The following SENP1 variants were observed in gnomAD, a reference collection of about 807,000 sequenced individuals.
The protein encoded by SENP1 is SUMO specific peptidase 1.
Under a neutral mutation model 93.0 loss-of-function variants are expected in SENP1, and 21 were observed. The ratio of observed to expected loss-of-function variants is 0.23; its 90% CI spans 0.16 to 0.33. The LOEUF is 0.33. SENP1 is among the 10% of genes least tolerant of loss of function. The pLI is 1.00. For missense variants in SENP1, 591 were observed against 758.7 expected (o/e 0.78, Z 2.60); for synonymous variants, 256 against 259.6 (o/e 0.99, Z 0.13).
At chr12:48,099,611 G>A (rs1945787260) in intron 2 of SENP1, among the ~76,000 whole-genome samples, 1 of 152,116 alleles carries the variant, frequency 6.6e-6, no homozygotes. Flanking sequence ...CTTGAGGCCA[G>A]GAGTTTGAGA....
chr12:48,074,248 T>C, intron 8 of SENP1, 76 bp downstream of exon 8: 2 of 1,160,892 alleles, frequency 1.7e-6, no homozygotes, highest in Non-Finnish European at 2.5e-6. Context: ...TATATTACAA[T>C]GTTGCCTGTA....
chr12:48,050,872 A>C (rs991950141), intron 13 of SENP1, among the ~76,000 whole-genome samples: 8 of 152,168 alleles, frequency 5.3e-5, no homozygotes, highest in Non-Finnish European at 8.8e-5. Context: ...CCTTCAATCC[A>C]AGACATAAGC....
chr12:48,048,404 A>G, intron 14 of SENP1, among the ~76,000 whole-genome samples: 1 of 152,218 alleles, frequency 6.6e-6, no homozygotes, highest in East Asian at 1.9e-4. Flanking sequence ...AGTATCTCAA[A>G]ATCACTTCCA....
At chr12:48,092,777 A>T (rs1379958182) in intron 4 of SENP1, among the ~76,000 whole-genome samples, 2 of 152,254 alleles carry the variant, frequency 1.3e-5, no homozygotes, top group African/African-American at 4.8e-5. Flanking sequence ...GAGGATAAAC[A>T]TAAGAAAAAT....
intron 11 of SENP1, 123 bp from the exon 12 acceptor site, chr12:48,065,343 T>G: frequency 1.2e-6 from 1 of 804,862 alleles, no homozygotes; most frequent in Admixed American, 2.9e-5. Context: ...TGCCCATTGC[T>G]TTCGCTTTTT....
intron 1 of SENP1, 173 bp downstream of exon 1, chr12:48,105,855 C>G (rs1329415855): frequency 3.3e-6 from 2 of 602,666 alleles, no homozygotes; most frequent in Admixed American, 3.0e-5. Flanking sequence ...CACCGGACAG[C>G]AGGGGGGAGG....
At chr12:48,046,844 C>G (rs2136738301) in intron 16 of SENP1, 134 bp downstream of exon 16, 1 of 623,552 alleles carries the variant, frequency 1.6e-6, no homozygotes, top group African/African-American at 1.8e-5. Context: ...TTTATCCTCC[C>G]CCAGAAACCA....
intron 13 of SENP1, among the ~76,000 whole-genome samples, chr12:48,057,907 T>G (rs1942670447): frequency 6.7e-6 from 1 of 148,592 alleles, no homozygotes; most frequent in South Asian, 2.1e-4. Flanking sequence ...TTAAATATGT[T>G]AAAATTAATT....
At chr12:48,086,578 T>C (rs1051516314) in intron 5 of SENP1, among the ~76,000 whole-genome samples, 1 of 152,310 alleles carries the variant, frequency 6.6e-6, no homozygotes, top group African/African-American at 2.4e-5. Flanking sequence ...AACAAGATAC[T>C]GTTTGTTTTT....
At chr12:48,092,982 G>A (rs1306668280) in intron 4 of SENP1, among the ~76,000 whole-genome samples, 2 of 152,136 alleles carry the variant, frequency 1.3e-5, no homozygotes, top group African/African-American at 4.8e-5. Flanking sequence ...AAGGGTAAAT[G>A]TGCACCTAAA....
At chr12:48,094,455 G>A (rs186783462) in intron 4 of SENP1, among the ~76,000 whole-genome samples, 1 of 152,140 alleles carries the variant, frequency 6.6e-6, no homozygotes, top group Non-Finnish European at 1.5e-5. Flanking sequence ...CGAGGCAGGT[G>A]AATCACCTAA....
rs544052887 is a variant in SENP1, at chr12:48,105,524, C to T, written c.-45+504G>A. 6 of 518,310 alleles carry T rather than the reference C, an allele frequency of 1.2e-5. No homozygotes were observed. The East Asian group carries it at 2.2e-4, about 19-fold the overall frequency. The allele number at this position is 518,310 out of a possible 1,614,324, so 32.1% of individuals were successfully genotyped here. A position where few individuals can be genotyped will look rare whatever the true frequency, so the allele number is the denominator to read the frequency against. ...AGCGATATCACATCTCAGGGAGATACCACAGAGTAGGAGAGTTGGAGAAAT... is the reference window on the plus strand; with the variant it reads ...AGCGATATCACATCTCAGGGAGATATCACAGAGTAGGAGAGTTGGAGAAAT... On this transcript the variant is annotated intron_variant, in intron 1 of 17. Coordinates refer to ENST00000549518, the MANE Select transcript of SENP1 (RefSeq NM_001267594.2).
At chr12:48,080,395 T>C (rs947229649) in intron 6 of SENP1, 3 of 152,364 alleles carry the variant, frequency 2.0e-5, no homozygotes, top group African/African-American at 7.2e-5. Flanking sequence ...TACTTGCATA[T>C]TTCTAAATTC....
chr12:48,048,490 T>C (rs1941543034), intron 14 of SENP1, among the ~76,000 whole-genome samples: 1 of 152,244 alleles, frequency 6.6e-6, no homozygotes, highest in African/African-American at 2.4e-5. Flanking sequence ...GGCTTTATGC[T>C]TTTGAAATGT....
intron 2 of SENP1, among the ~76,000 whole-genome samples, chr12:48,100,648 GA>G (rs79598818): frequency 1.2e-3 from 159 of 128,092 alleles, no homozygotes; most frequent in South Asian, 2.3e-3. Flanking sequence ...AGAAAAAAGA[GA>G]AAAAAAAAAA....
chr12:48,085,664 T>C (rs950199159), intron 5 of SENP1, among the ~76,000 whole-genome samples: 1 of 150,124 alleles, frequency 6.7e-6, no homozygotes, highest in African/African-American at 2.5e-5. Context: ...CCCTGTGCTG[T>C]TACACAGTGT....
At chr12:48,061,166 C>T (rs1565753853) in intron 13 of SENP1, among the ~76,000 whole-genome samples, 1 of 152,098 alleles carries the variant, frequency 6.6e-6, no homozygotes, top group East Asian at 1.9e-4. Flanking sequence ...TACTTCCTTG[C>T]TCTTATATTA....
rs774394636 is a variant in SENP1, at chr12:48,046,966, G to T, written c.1776+12C>A. 23 of 1,584,068 alleles carry T rather than the reference G, an allele frequency of 1.5e-5. 1 individual carries two copies. In the African/African-American group the frequency reaches 2.6e-4, roughly 18 times the overall value. ...ACTTTTAGGACTTTTATTTCATCAA[G>T]ATGAAAGGTACCTGGCTTTTCTTGC... On this transcript the variant is annotated intron_variant, in intron 16 of 17. Coordinates refer to ENST00000549518, the MANE Select transcript of SENP1 (RefSeq NM_001267594.2).
At chr12:48,063,451 T>A (rs993359748) in intron 13 of SENP1, among the ~76,000 whole-genome samples, 1 of 152,174 alleles carries the variant, frequency 6.6e-6, no homozygotes, top group African/African-American at 2.4e-5. Flanking sequence ...AATGAGTGAA[T>A]GTCTTCTTCA....
Sources: gnomAD v4.1 joint callset for allele counts (sites outside exome capture counted in the v4.1 genomes callset) on GRCh38, gnomAD v4.1.1 for gene constraint, MANE v1.5 for transcripts, NCBI Gene and HGNC (gene_info 2026-07-23, HGNC 2026-07-21) for gene names.